CENPI: variants seen among roughly 807,000 people sequenced by gnomAD.
CENPI encodes the protein FSH primary response 1.
CENPI carries 4 observed loss-of-function variants against 60.4 expected under a neutral mutation model. That is an observed-to-expected ratio of 0.07 (90% CI 0.03 to 0.15). The LOEUF (loss-of-function observed/expected upper bound fraction) is 0.15, where lower values mean the gene tolerates loss of function less well. Ranked by LOEUF, CENPI falls within the 10% of genes least tolerant of loss-of-function variation. The pLI, the probability that CENPI is intolerant of heterozygous loss-of-function variation, is 1.00. For synonymous variants in CENPI, 157 were observed against 189.4 expected (o/e 0.83, Z 1.40); for missense variants, 444 against 534.5 (o/e 0.83, Z 1.67).
At chrX:101,113,840 A>G (rs1277071847) in intron 6 of CENPI, among the ~76,000 whole-genome samples, 2 of 112,553 alleles carry the variant, frequency 1.8e-5, no homozygotes, top group African/African-American at 6.4e-5. Flanking sequence ...GTAGAATTCT[A>G]GAGTGACAGT....
intron 6 of CENPI, among the ~76,000 whole-genome samples, chrX:101,112,349 A>G (rs995042934): frequency 4.8e-4 from 54 of 112,145 alleles, no homozygotes; most frequent in Admixed American, 3.8e-4. Context: ...CAGTGAGCCA[A>G]TATTTTCCAG....
the CENPI span, among the ~76,000 whole-genome samples, chrX:101,176,603 C>T: frequency 8.9e-6 from 1 of 112,111 alleles, no homozygotes; most frequent in Non-Finnish European, 1.9e-5. Flanking sequence ...ATGTCCTTTG[C>T]TCACTTTTTA....
At chrX:101,171,831 G>GA in the CENPI span, among the ~76,000 whole-genome samples, 3 of 111,440 alleles carry the variant, frequency 2.7e-5, no homozygotes, top group Non-Finnish European at 5.6e-5. Flanking sequence ...ATACATAACA[G>GA]AAAAAAATGA....
chrX:101,146,010 T>A, intron 17 of CENPI, 143 bp from the exon 18 acceptor site: 1 of 429,241 alleles, frequency 2.3e-6, no homozygotes, highest in Non-Finnish European at 3.8e-6. Context: ...TAAGCCAGCT[T>A]GTAGATGTTT....
intron 6 of CENPI, among the ~76,000 whole-genome samples, chrX:101,116,721 A>G (rs1006172675): frequency 9.0e-6 from 1 of 111,530 alleles, no homozygotes; most frequent in Non-Finnish European, 1.9e-5. Flanking sequence ...ACTGTATCAT[A>G]TGGCAATTCT....
At chrX:101,110,561 A>G (rs756266298) in intron 6 of CENPI, among the ~76,000 whole-genome samples, 44 of 112,458 alleles carry the variant, frequency 3.9e-4, no homozygotes, top group Non-Finnish European at 6.7e-4. Flanking sequence ...GACCATCAGT[A>G]GTTCACAGAC....
Position 101,150,923 on chromosome X carries a change from T to TTG in CENPI, c.2094+2781_2094+2782dup, listed in dbSNP as rs1328600161. Among the ~76,000 whole-genome samples, 973 of 108,891 alleles carry TTG rather than the reference T, an allele frequency of 8.9e-3. 13 individuals carry two copies. Among genetic ancestry groups the TTG allele is most frequent in the African/African-American group, 0.03 (891 of 30,111 alleles). The allele number at this position is 108,891 out of a possible 115,157, so 94.6% of individuals were successfully genotyped here. ...GAATGTCTGTTTCTGTTGCCTGCTT[T>TTG]TGTGTGTGTGTGTGTGTGTGCTTCT... On this transcript the variant is annotated intron_variant, in intron 20 of 21. Coordinates refer to ENST00000682095, the MANE Select transcript of CENPI (RefSeq NM_001386188.2).
At chrX:101,102,622 A>G (rs1276592421) in intron 4 of CENPI, among the ~76,000 whole-genome samples, 3 of 108,680 alleles carry the variant, frequency 2.8e-5, no homozygotes, top group African/African-American at 1.0e-4. Flanking sequence ...TGGCCTCTCA[A>G]AGTGCTGGGA....
the CENPI span, among the ~76,000 whole-genome samples, chrX:101,176,822 A>G: frequency 8.9e-6 from 1 of 112,961 alleles, no homozygotes; most frequent in South Asian, 3.6e-4. Context: ...GGTCTTAGCC[A>G]TAAGTTCTTT....
chrX:101,158,243 GAATC>G (rs2090071486), intron 20 of CENPI, among the ~76,000 whole-genome samples: 1 of 102,554 alleles, frequency 9.8e-6, no homozygotes, highest in African/African-American at 3.5e-5. Context: ...GAATAGCATT[GAATC>G]TGTAAATTGC....
chrX:101,146,050 T>C (rs2089958883), intron 17 of CENPI, 103 bp from the exon 18 acceptor site: 3 of 686,625 alleles, frequency 4.4e-6, no homozygotes, highest in African/African-American at 2.2e-5. Context: ...CCAAAGCTAA[T>C]GTTATGTTAT....
chrX:101,116,701 G>GA (rs947457022), intron 6 of CENPI, among the ~76,000 whole-genome samples: 3 of 111,128 alleles, frequency 2.7e-5, no homozygotes, highest in African/African-American at 9.8e-5. Flanking sequence ...GTATACCTAG[G>GA]AAAAAAATTA....
At chrX:101,119,512 T>C (rs964841678) in intron 6 of CENPI, among the ~76,000 whole-genome samples, 1 of 111,816 alleles carries the variant, frequency 8.9e-6, no homozygotes, top group African/African-American at 3.2e-5. Context: ...GCTGGTGTGG[T>C]GTGCAAGCAG....
Position 101,109,927 on chromosome X carries a change from T to C in CENPI, c.520T>C (p.Phe174Leu). ...TCGTTGGCTGGTTGCAATGTTTGAC[T>C]TCATTGATCGTAAGGAGCAAATTAA... ...FYRWLVAMFD[F>L]IDRKEQINLL... is the part of the protein sequence containing the mutation. The change falls in exon 6 of 22, where the codon TTC (phenylalanine) becomes CTC (leucine). Residue 174 changes from phenylalanine to leucine, a missense_variant. By Grantham distance (22) the Phe-to-Leu change is conservative (BLOSUM62 0). Transcript: ENST00000682095. 1.7e-6 allele frequency: 2 copies of C among 1,207,574 alleles called. No homozygotes were observed. The highest frequency in any genetic ancestry group is 1.8e-5 in the South Asian group (1 of 56,770).
At chrX:101,126,867 A>G in intron 9 of CENPI, 69 bp downstream of exon 9, 1 of 937,220 alleles carries the variant, frequency 1.1e-6, no homozygotes, top group Admixed American at 2.3e-5. Context: ...GTTAACTTAC[A>G]GATTTCAACT....
the CENPI span, among the ~76,000 whole-genome samples, chrX:101,179,590 G>A: frequency 1.7e-4 from 18 of 108,357 alleles, no homozygotes; most frequent in African/African-American, 3.4e-4. Flanking sequence ...GCACCATCTC[G>A]GCTCACTGCA....
intron 2 of CENPI, chrX:101,100,830 G>T: frequency 2.7e-6 from 1 of 368,199 alleles, no homozygotes; most frequent in South Asian, 6.6e-5. Flanking sequence ...AGCTAGTTCA[G>T]CTGATGAATG....
intron 13 of CENPI, 74 bp downstream of exon 13, chrX:101,130,147 T>G (rs753056827): frequency 2.7e-5 from 21 of 779,695 alleles, no homozygotes; most frequent in Admixed American, 1.9e-4. Flanking sequence ...TTGAAAACCT[T>G]TTCTTGCCCG....
At chrX:101,116,185 T>A (rs1340464974) in intron 6 of CENPI, among the ~76,000 whole-genome samples, 1 of 111,927 alleles carries the variant, frequency 8.9e-6, no homozygotes, top group Admixed American at 9.6e-5. Context: ...TTAAGTATTA[T>A]AACTAATCCG....
Sources: allele counts gnomAD v4.1 joint callset (sites outside exome capture counted in the v4.1 genomes callset), GRCh38; gene constraint gnomAD v4.1.1; transcripts MANE v1.5; gene names NCBI Gene and HGNC (gene_info 2026-07-23, HGNC 2026-07-21).